The following CHRNA6 variants were observed in gnomAD, a reference collection of about 807,000 sequenced individuals.
CHRNA6 encodes neuronal acetylcholine receptor subunit alpha-6.
CHRNA6 carries 31 observed loss-of-function variants against 40.9 expected under a neutral mutation model. That is an observed-to-expected ratio of 0.76 (90% CI 0.57 to 1.02). The LOEUF (loss-of-function observed/expected upper bound fraction) is 1.02. Among genes scored for constraint, CHRNA6 ranks in the 50% least tolerant of loss-of-function variants. CHRNA6 has a pLI of 0.00. For synonymous variants in CHRNA6, 222 were observed against 221.3 expected, an observed-to-expected ratio of 1.00 and a Z score of -0.03; for missense variants, 546 against 596.6, an observed-to-expected ratio of 0.92 and a Z score of 0.88.
chr8:42,758,945 G>A, intron 3 of CHRNA6, 124 bp downstream of exon 3: 1 of 756,566 alleles, frequency 1.3e-6, no homozygotes, highest in South Asian at 1.7e-5. Flanking sequence ...TGAACTTTAG[G>A]CTTTGGAGAT....
At chr8:42,754,967 A>G (rs1230291646) in intron 5 of CHRNA6, among the ~76,000 whole-genome samples, 2 of 149,636 alleles carry the variant, frequency 1.3e-5, no homozygotes, top group Admixed American at 1.3e-4. Context: ...GCTGCTCCGA[A>G]CTCATTTCTC....
intron 5 of CHRNA6, among the ~76,000 whole-genome samples, chr8:42,754,903 G>T (rs569224332): frequency 1.3e-5 from 2 of 152,112 alleles, no homozygotes; most frequent in South Asian, 4.1e-4. Context: ...CAGAGCTGCC[G>T]GAACGAATGC....
chr8:42,767,908 G>C (rs1816995793), intron 1 of CHRNA6, among the ~76,000 whole-genome samples: 1 of 152,180 alleles, frequency 6.6e-6, no homozygotes, highest in African/African-American at 2.4e-5. Context: ...TTACTCATGG[G>C]ATAGTTTCAG....
At position 42,765,056 on chromosome 8, in the gene CHRNA6, G is replaced by T; in HGVS notation, c.219+9C>A. 3 of 1,613,726 alleles carry T rather than the reference G, an allele frequency of 1.9e-6. No individual in the cohort carries two copies. The highest frequency in any genetic ancestry group is 2.5e-6 in the Non-Finnish European group (3 of 1,179,792). Reference sequence around the variant, plus strand: ...ATGCTGGGGAAAGCTCTGATCAGAGGGCACTCACCACGTTGGCCAGCTGGG... The same window carrying T: ...ATGCTGGGGAAAGCTCTGATCAGAGTGCACTCACCACGTTGGCCAGCTGGG... On this transcript the variant is annotated intron_variant, in intron 2 of 5. Coordinates refer to ENST00000276410, the MANE Select transcript of CHRNA6 (RefSeq NM_004198.3).
chr8:42,758,041 A>C (rs968723921), intron 3 of CHRNA6, among the ~76,000 whole-genome samples: 4 of 151,990 alleles, frequency 2.6e-5, no homozygotes, highest in African/African-American at 9.7e-5. Context: ...TCTCAAAAAA[A>C]ACCAAAAAAC....
chr8:42,757,666 G>A (rs1291074571), intron 3 of CHRNA6, among the ~76,000 whole-genome samples: 4 of 150,192 alleles, frequency 2.7e-5, no homozygotes, highest in African/African-American at 9.8e-5. Flanking sequence ...CCAGGAGGCG[G>A]AGCTTGCAGT....
chr8:42,756,460 G>C lies in CHRNA6; in HGVS notation c.739C>G (p.Leu247Val). The C allele has an allele frequency of 6.2e-7, 1 of 1,614,186 alleles. No individual in the cohort carries two copies. Among genetic ancestry groups the C allele is most frequent in the Non-Finnish European group, 8.5e-7 (1 of 1,180,024 alleles). Residue 247 changes from leucine to valine, a missense_variant, in exon 5 of 6, where the codon CTG (leucine) becomes GTG (valine). Coordinates refer to ENST00000276410, the MANE Select transcript of CHRNA6 (RefSeq NM_004198.3). ...GAAATAAAGAGACAAGGGATGATCA[G>C]ATTAATCGTGTAAAACATCGGCAAT... ...RRLPMFYTIN[L>V]IIPCLFISFL...
chr8:42,763,559 G>C (rs185729975), intron 2 of CHRNA6, among the ~76,000 whole-genome samples: 1 of 152,266 alleles, frequency 6.6e-6, no homozygotes, highest in African/African-American at 2.4e-5. Flanking sequence ...CATGCAGTGA[G>C]GTAGCCCTCA....
chr8:42,762,318 G>T (rs1816914818), intron 2 of CHRNA6, among the ~76,000 whole-genome samples: 1 of 152,156 alleles, frequency 6.6e-6, no homozygotes, highest in African/African-American at 2.4e-5. Flanking sequence ...CCAAAAACTG[G>T]AATCAGCTCA....
At chr8:42,760,239 GCA>G (rs1816881236) in intron 2 of CHRNA6, among the ~76,000 whole-genome samples, 1 of 150,348 alleles carries the variant, frequency 6.7e-6, no homozygotes, top group Admixed American at 6.6e-5. Context: ...TCATACACAC[GCA>G]CACTCATGCA....
rs748772192 is a variant in CHRNA6 at position 42,756,383 on chromosome 8, C to G, written c.816G>C (p.Val272=). 6.2e-7 allele frequency: 1 copy of G among 1,614,204 alleles called. No individual in the cohort carries two copies. Among genetic ancestry groups the G allele is most frequent in the South Asian group, 1.1e-5 (1 of 91,070 alleles). Residue 272 remains valine (V), a synonymous_variant, in exon 5 of 6, where the codon GTG becomes GTC. Coordinates refer to ENST00000276410, the MANE Select transcript of CHRNA6 (RefSeq NM_004198.3). ...FYLPSDCGEK[V]TLCISVLLSL... is the part of the protein sequence containing the mutation. ...AAAGCAGGACTGAAATACAAAGCGT[C>G]ACTTTTTCACCACAGTCCGAAGGAA... is the stretch of plus-strand genomic sequence containing the variant.
intron 2 of CHRNA6, among the ~76,000 whole-genome samples, chr8:42,760,193 G>A (rs1457430272): frequency 1.3e-5 from 2 of 152,092 alleles, no homozygotes; most frequent in African/African-American, 4.8e-5. Flanking sequence ...TGGTCCATGT[G>A]TGGACACACA....
At chr8:42,757,711 C>T (rs1043984153) in intron 3 of CHRNA6, among the ~76,000 whole-genome samples, 1 of 128,240 alleles carries the variant, frequency 7.8e-6, no homozygotes, top group Admixed American at 8.9e-5. Context: ...CCAGCCTAGG[C>T]GACGGACCGG....
chr8:42,762,876 A>G (rs1170571169), intron 2 of CHRNA6, among the ~76,000 whole-genome samples: 1 of 152,222 alleles, frequency 6.6e-6, no homozygotes, highest in African/African-American at 2.4e-5. Flanking sequence ...AGTGGGAGAA[A>G]CAGGCAGAGT....
rs199981801 is a variant in CHRNA6 at position 42,755,995 on chromosome 8, T to G, written c.1204A>C (p.Asn402His). ...CTTCTCTTGCTTGTGGCAAGCTCAT[T>G]TGATTTGTGACAATGGAAGCATTCT... ...LKECFHCHKSNELATSKRRLS... is the reference protein window; with the variant it reads ...LKECFHCHKSHELATSKRRLS... Residue 402 changes from asparagine to histidine, a missense_variant, in exon 5 of 6, where the codon AAT becomes CAT. Physicochemically the swap from Asn to His is moderately conservative, Grantham distance 68 (BLOSUM62 1). This residue lies in a region of CHRNA6 where 476 missense variants were observed against 494.5 expected (regional missense o/e 0.96). Coordinates refer to ENST00000276410, the MANE Select transcript of CHRNA6 (RefSeq NM_004198.3). The G allele has an allele frequency of 3.7e-6, 6 of 1,614,104 alleles. No individual in the cohort carries two copies. The highest frequency in any genetic ancestry group is 5.1e-6 in the Non-Finnish European group (6 of 1,180,046).
rs1392196914 is a variant in CHRNA6, at chr8:42,756,441, A to C, written c.758T>G (p.Phe253Cys). The change falls in exon 5 of 6, where the codon TTT becomes TGT. Residue 253 changes from phenylalanine (F) to cysteine (C), a missense_variant. By Grantham distance (205) the Phe-to-Cys change is radical. Coordinates refer to ENST00000276410, the MANE Select transcript of CHRNA6 (RefSeq NM_004198.3). ...GACCAACACGGTTAGAAATGAAATA[A>C]AGAGACAAGGGATGATCAGATTAAT... ...YTINLIIPCLFISFLTVLVFY... is the reference protein window; with the variant it reads ...YTINLIIPCLCISFLTVLVFY... 4 of 1,614,254 alleles carry C rather than the reference A, an allele frequency of 2.5e-6. 1 individual carries two copies.
Position 42,756,258 on chromosome 8 carries a change from A to G in CHRNA6, c.941T>C (p.Val314Ala). The G allele has an allele frequency of 6.2e-7, 1 of 1,614,260 alleles. No homozygotes were observed. Reference protein sequence around the residue: ...GEYLLFTMIFVTLSIVVTVFV... With the variant: ...GEYLLFTMIFATLSIVVTVFV... ...CACAGTCACCACGATGGACAGTGTG[A>G]CAAAGATCATGGTGAACAGCAGGTA... Residue 314 changes from valine (V) to alanine (A), a missense_variant, in exon 5 of 6, where the codon GTC becomes GCC. Coordinates refer to ENST00000276410, the MANE Select transcript of CHRNA6 (RefSeq NM_004198.3).
In CHRNA6 at chr8:42,768,460, T is replaced by C. The variant is rs757808637; in HGVS notation, c.-30A>G. 1.9e-6 allele frequency: 3 copies of C among 1,574,052 alleles called. 1 individual carries two copies. In the South Asian group the frequency reaches 3.3e-5, roughly 17 times the overall value. On this transcript the variant is annotated 5_prime_UTR_variant, in exon 1 of 6. Coordinates refer to ENST00000276410, the MANE Select transcript of CHRNA6 (RefSeq NM_004198.3). ...AAAACACACTTGGATTCCTTTTTCC[T>C]AGGCAAAGGATTGTGGAAAACAAAG...
rs139902902 is a variant in CHRNA6 at position 42,755,467 on chromosome 8, GGGTTTC to G, written c.1353+373_1353+378del. Among the ~76,000 whole-genome samples the G allele has an allele frequency of 1.6e-3, 239 of 152,166 alleles. 1 individual carries two copies. Among genetic ancestry groups the G allele is most frequent in the African/African-American group, 5.0e-3 (208 of 41,506 alleles). On this transcript the variant is annotated intron_variant, in intron 5 of 5. Coordinates refer to ENST00000276410, the MANE Select transcript of CHRNA6 (RefSeq NM_004198.3). ...AATTTTTGTATTTTTAGTAGAGATG[GGGTTTC>G]CCCATGTTGGCCATGCTGGTCTCAA...
Sources: allele counts gnomAD v4.1 joint callset (sites outside exome capture counted in the v4.1 genomes callset), GRCh38; gene constraint gnomAD v4.1.1; regional missense constraint gnomAD v4.1.1; transcripts MANE v1.5; gene names NCBI Gene and HGNC (gene_info 2026-07-23, HGNC 2026-07-21).